Variants in DMD observed in about 807,000 individuals in gnomAD.
DMD encodes mutant dystrophin.
A neutral mutation model predicts 330.1 loss-of-function variants in DMD; 63 were observed. The observed-to-expected ratio is 0.19, with a 90% CI of 0.16 to 0.24. The LOEUF is 0.24. Ranked by LOEUF, DMD falls within the 10% of genes least tolerant of loss-of-function variation. DMD has a pLI of 1.00. For missense variants in DMD, 3,344 were observed against 2,684.1 expected (o/e 1.25, Z -5.43); for synonymous variants, 1,223 against 959.8 (o/e 1.27, Z -5.07).
At chrX:31,343,445 A>G (rs1310435100) in intron 61 of DMD, among the ~76,000 whole-genome samples, 2 of 111,681 alleles carry the variant, frequency 1.8e-5, no homozygotes, top group Non-Finnish European at 3.8e-5. Flanking sequence ...AAGATAAAAG[A>G]AAAAATTTCT....
intron 1 of DMD, among the ~76,000 whole-genome samples, chrX:33,120,878 CAAAAAAAAAAAAA>C (rs1171070469): frequency 1.9e-4 from 7 of 36,691 alleles, no homozygotes; most frequent in Admixed American, 1.0e-3. Flanking sequence ...ATGACTCTCT[CAAAAAAAAAAAAA>C]AAAAAAAAAA....
Position 32,438,352 on chromosome X carries a change from T to C in DMD, c.3960A>G (p.Pro1320=), listed in dbSNP as rs765256995. The change falls in exon 29 of 79, where the codon CCA becomes CCG. Residue 1320 remains proline, a synonymous_variant. Coordinates refer to ENST00000357033, the MANE Select transcript of DMD (RefSeq NM_004006.3). ...TCTGTGCCAATATGCGAATCTGATT[T>C]GGGTTATCCTCTGAATGTCGCATCA... ...ENLMRHSEDN[P]NQIRILAQTL... is the part of the protein sequence containing the mutation. The C allele has an allele frequency of 2.6e-5, 32 of 1,210,079 alleles. No homozygotes were observed. Among genetic ancestry groups the C allele is most frequent in the Middle Eastern group, 4.6e-4 (2 of 4,352 alleles).
chrX:32,628,807 T>G (rs1460663742), intron 11 of DMD, among the ~76,000 whole-genome samples: 2 of 111,923 alleles, frequency 1.8e-5, no homozygotes, highest in Non-Finnish European at 3.8e-5. Context: ...TTGTTTAATT[T>G]CCATGTGTCT....
At chrX:33,224,576 G>T (rs188624506) in intron 1 of DMD, among the ~76,000 whole-genome samples, 1 of 111,176 alleles carries the variant, frequency 9.0e-6, no homozygotes, top group East Asian at 2.8e-4. Context: ...TGGCAGGGAG[G>T]CATGACTAGG....
At chrX:33,110,580 A>T (rs1395848466) in intron 1 of DMD, among the ~76,000 whole-genome samples, 1 of 111,934 alleles carries the variant, frequency 8.9e-6, no homozygotes, top group Non-Finnish European at 1.9e-5. Context: ...TATTGGTAAT[A>T]AATTCACAGA....
intron 34 of DMD, among the ~76,000 whole-genome samples, chrX:32,368,448 G>T (rs1308019512): frequency 1.8e-5 from 2 of 111,602 alleles, no homozygotes; most frequent in Non-Finnish European, 3.8e-5. Context: ...AAAGTACGAA[G>T]CAACGAGAAG....
At chrX:31,928,027 T>C (rs2094803299) in intron 47 of DMD, among the ~76,000 whole-genome samples, 1 of 111,982 alleles carries the variant, frequency 8.9e-6, no homozygotes, top group Admixed American at 9.5e-5. Context: ...AGATCCAAAA[T>C]GTTTAAATAA....
At chrX:32,716,549 T>A (rs1569483415) in intron 7 of DMD, among the ~76,000 whole-genome samples, 1 of 111,436 alleles carries the variant, frequency 9.0e-6, no homozygotes, top group Admixed American at 9.6e-5. Context: ...GAGAAAGGAC[T>A]AATACAGAAA....
chrX:31,773,953 C>T lies in DMD; in HGVS notation c.7542+7G>A, dbSNP rs398124047. 4.2e-6 allele frequency: 5 copies of T among 1,198,312 alleles called. No individual in the cohort carries two copies. The South Asian group carries it at 7.1e-5, about 17-fold the overall frequency. On this transcript the variant is annotated splice_region_variant and intron_variant, in intron 51 of 78. Coordinates refer to ENST00000357033, the MANE Select transcript of DMD (RefSeq NM_004006.3). The stretch of plus-strand genomic sequence containing the variant: ...CTTCTGCCAACTTTTATCATTTTTT[C>T]TCATACCTTCTGCTTGATGATCATC...
chrX:31,937,677 A>G (rs902102928), intron 45 of DMD, among the ~76,000 whole-genome samples: 5 of 112,156 alleles, frequency 4.5e-5, no homozygotes, highest in African/African-American at 1.6e-4. Context: ...AAAGCAAAGA[A>G]ACACAGTTAG....
chrX:32,477,666 TGA>T (rs1033115149), intron 21 of DMD, among the ~76,000 whole-genome samples: 2 of 111,124 alleles, frequency 1.8e-5, no homozygotes, highest in African/African-American at 6.5e-5. Context: ...TTGAAAATTC[TGA>T]GAGACATAAC....
chrX:33,296,188 T>C (rs1221240335), intron 1 of DMD, among the ~76,000 whole-genome samples: 1 of 111,191 alleles, frequency 9.0e-6, no homozygotes, highest in Non-Finnish European at 1.9e-5. Context: ...TTGTGAAAGG[T>C]ATTCCATATA....
intron 44 of DMD, among the ~76,000 whole-genome samples, chrX:32,134,168 T>C (rs1372954146): frequency 9.0e-6 from 1 of 111,549 alleles, no homozygotes; most frequent in Non-Finnish European, 1.9e-5. Flanking sequence ...GAACATACTA[T>C]ACAATATACT....
intron 2 of DMD, among the ~76,000 whole-genome samples, chrX:32,932,542 GA>G (rs753643748): frequency 1.8e-5 from 2 of 111,196 alleles, no homozygotes; most frequent in Non-Finnish European, 3.8e-5. Flanking sequence ...AATAAAGGTA[GA>G]AAAAAAGGGC....
chrX:32,850,631 A>G (rs1213798500), intron 2 of DMD, among the ~76,000 whole-genome samples: 1 of 111,407 alleles, frequency 9.0e-6, no homozygotes, highest in Non-Finnish European at 1.9e-5. Context: ...AGATCTGTCT[A>G]ATTCTGGGTT....
intron 44 of DMD, among the ~76,000 whole-genome samples, chrX:32,205,005 TCACATACA>T (rs1293689336): frequency 1.0e-4 from 3 of 29,230 alleles, no homozygotes; most frequent in African/African-American, 3.4e-4. Flanking sequence ...TCTCTCTCTC[TCACATACA>T]CACACACACA....
At chrX:32,702,920 A>T (rs2064266464) in intron 7 of DMD, among the ~76,000 whole-genome samples, 1 of 111,664 alleles carries the variant, frequency 9.0e-6, no homozygotes, top group Admixed American at 9.5e-5. Flanking sequence ...AGGACGAAAG[A>T]GGACACTGAT....
intron 44 of DMD, among the ~76,000 whole-genome samples, chrX:32,171,232 A>G (rs1387089649): frequency 8.9e-6 from 1 of 111,997 alleles, no homozygotes; most frequent in Non-Finnish European, 1.9e-5. Flanking sequence ...TTCATACATT[A>G]TGATGCCTTA....
At chrX:32,671,726 T>C (rs1419633638) in intron 9 of DMD, among the ~76,000 whole-genome samples, 2 of 112,137 alleles carry the variant, frequency 1.8e-5, no homozygotes, top group Non-Finnish European at 3.8e-5. Flanking sequence ...TTTATTCAGC[T>C]TATTAAACCC....
Sources: gnomAD v4.1 joint callset for allele counts (sites outside exome capture counted in the v4.1 genomes callset) on GRCh38, gnomAD v4.1.1 for gene constraint, MANE v1.5 for transcripts, NCBI Gene and HGNC (gene_info 2026-07-23, HGNC 2026-07-21) for gene names.